MTDH: variants seen among roughly 807,000 people sequenced by gnomAD.
The protein encoded by MTDH is metadherin.
Under a neutral mutation model 72.7 loss-of-function variants are expected in MTDH, and 34 were observed. The observed-to-expected ratio is 0.47, with a 90% CI of 0.36 to 0.62. MTDH has a LOEUF of 0.62. Ranked by LOEUF, MTDH falls within the 20% of genes least tolerant of loss-of-function variation. The probability of loss-of-function intolerance (pLI) is 0.00; values close to 1 mark genes in which losing one functional copy is unlikely to be tolerated. For synonymous variants in MTDH, 266 were observed against 268.9 expected (o/e 0.99, Z 0.10); for missense variants, 677 against 699.4 (o/e 0.97, Z 0.36).
At chr8:97,707,274 C>T (rs1814392235) in intron 8 of MTDH, among the ~76,000 whole-genome samples, 1 of 151,246 alleles carries the variant, frequency 6.6e-6, no homozygotes, top group Non-Finnish European at 1.5e-5. Context: ...ACCTCAGACT[C>T]CTGAGTAGCT....
rs550248417 is a variant in MTDH, at chr8:97,728,866, C to T, written c.*4196C>T. ...ATGACATTATGCAGGGTCAGGGATC[C>T]GGGTTCTTTCTATATTGTTCCTCCC... is the stretch of plus-strand genomic sequence containing the variant. On this transcript the variant is annotated 3_prime_UTR_variant, in exon 12 of 12. Coordinates refer to ENST00000336273, the MANE Select transcript of MTDH (RefSeq NM_178812.4). The T allele has an allele frequency of 4.0e-5, 6 of 150,258 alleles. No homozygotes were observed. Among genetic ancestry groups the T allele is most frequent in the Admixed American group, 2.7e-4 (4 of 15,080 alleles). 9.3% of individuals were successfully genotyped at this position (150,258 alleles called of 1,614,324 possible).
intron 6 of MTDH, among the ~76,000 whole-genome samples, chr8:97,696,552 C>T (rs1167703654): frequency 6.6e-6 from 1 of 152,158 alleles, no homozygotes; most frequent in Non-Finnish European, 1.5e-5. Context: ...AATACACATG[C>T]AAGGCCTTCC....
chr8:97,667,536 T>C (rs1014104040), intron 2 of MTDH, among the ~76,000 whole-genome samples: 1 of 152,202 alleles, frequency 6.6e-6, no homozygotes, highest in Non-Finnish European at 1.5e-5. Context: ...ATATTACTCT[T>C]TTTTTGCTTG....
intron 9 of MTDH, among the ~76,000 whole-genome samples, chr8:97,714,466 C>T (rs1586279595): frequency 6.7e-6 from 1 of 148,432 alleles, no homozygotes; most frequent in East Asian, 2.1e-4. Context: ...TAGCTAGGCA[C>T]GGTGGCATAC....
intron 2 of MTDH, among the ~76,000 whole-genome samples, chr8:97,680,228 A>AGG (rs893059394): frequency 2.0e-5 from 3 of 152,094 alleles, no homozygotes; most frequent in African/African-American, 7.2e-5. Flanking sequence ...GTGCACCACC[A>AGG]TGCCCAGCTA....
At chr8:97,645,299 T>C (rs78001760) in intron 1 of MTDH, among the ~76,000 whole-genome samples, 652 of 152,308 alleles carry the variant, frequency 4.3e-3, no homozygotes, top group Non-Finnish European at 5.7e-3. Flanking sequence ...GGAAGACAGA[T>C]GTCTATCTCA....
chr8:97,648,090 G>A (rs1162740539), intron 1 of MTDH, among the ~76,000 whole-genome samples: 1 of 152,010 alleles, frequency 6.6e-6, no homozygotes, highest in Non-Finnish European at 1.5e-5. Flanking sequence ...GGCGAAATCT[G>A]TATTTACCTC....
intron 2 of MTDH, among the ~76,000 whole-genome samples, chr8:97,669,436 C>T (rs1406850566): frequency 1.3e-5 from 2 of 152,166 alleles, no homozygotes; most frequent in Admixed American, 1.3e-4. Flanking sequence ...GCATGAGCCA[C>T]TGCGCCTGGC....
intron 9 of MTDH, among the ~76,000 whole-genome samples, chr8:97,715,330 G>T (rs981814838): frequency 6.6e-6 from 1 of 151,554 alleles, no homozygotes; most frequent in Non-Finnish European, 1.5e-5. Context: ...ATTTCACCAT[G>T]TTGGCCAGGC....
chr8:97,722,964 T>A lies in MTDH; in HGVS notation c.1607T>A (p.Val536Glu). The A allele has an allele frequency of 6.2e-7, 1 of 1,614,148 alleles. No individual in the cohort carries two copies. The highest frequency in any genetic ancestry group is 2.2e-5 in the East Asian group (1 of 44,878). ...KSDSDKSSSQVPPILQETDKS... is the reference protein window; with the variant it reads ...KSDSDKSSSQEPPILQETDKS... Reference sequence around the variant, plus strand: ...GATTCTGACAAGAGCTCTTCCCAAGTGCCGCCAATACTACAAGAGACAGAT... The same window carrying A: ...GATTCTGACAAGAGCTCTTCCCAAGAGCCGCCAATACTACAAGAGACAGAT... The change falls in exon 11 of 12, where the codon GTG (valine) becomes GAG (glutamate). Residue 536 changes from valine to glutamate, a missense_variant. By Grantham distance (121) the Val-to-Glu change is moderately radical. This residue lies in a region of MTDH where 201 missense variants were observed against 204.5 expected (regional missense o/e 0.98). Transcript: ENST00000336273.
intron 3 of MTDH, among the ~76,000 whole-genome samples, chr8:97,687,095 C>T (rs1813396208): frequency 6.6e-6 from 1 of 151,926 alleles, no homozygotes; most frequent in African/African-American, 2.4e-5. Flanking sequence ...CTAATAAACC[C>T]ATTTATTAGT....
intron 7 of MTDH, among the ~76,000 whole-genome samples, chr8:97,701,149 GGTT>G (rs1367053173): frequency 3.3e-5 from 5 of 152,116 alleles, no homozygotes. Flanking sequence ...TGTTTTCATA[GGTT>G]GTTGTGAGGC....
At chr8:97,674,323 A>G (rs1331233701) in intron 2 of MTDH, among the ~76,000 whole-genome samples, 1 of 152,230 alleles carries the variant, frequency 6.6e-6, no homozygotes, top group Admixed American at 6.5e-5. Context: ...AACCCCACCA[A>G]AAGGGGGGAA....
rs553716541 is a variant in MTDH, at chr8:97,726,564, A to C, written c.*1894A>C. On this transcript the variant is annotated 3_prime_UTR_variant, in exon 12 of 12. Transcript: ENST00000336273. ...TCTACCTCACCATTTCTTTATCTCA[A>C]AATTCTGTTGGCTTTGTCAAACGTT... 6.6e-6 allele frequency: 1 copy of C among 152,152 alleles called. No homozygotes were observed. The highest frequency in any genetic ancestry group is 2.4e-5 in the African/African-American group (1 of 41,426). The allele number at this position is 152,152 out of a possible 1,614,324, so 9.4% of individuals were successfully genotyped here.
chr8:97,645,934 C>G (rs1339283611), intron 1 of MTDH, among the ~76,000 whole-genome samples: 2 of 152,046 alleles, frequency 1.3e-5, no homozygotes, highest in African/African-American at 2.4e-5. Flanking sequence ...GTACGAAGGC[C>G]CTACCATGTG....
chr8:97,676,247 G>A (rs1247612459), intron 2 of MTDH, among the ~76,000 whole-genome samples: 8 of 152,090 alleles, frequency 5.3e-5, no homozygotes, highest in African/African-American at 1.9e-4. Context: ...GCCACAGAAG[G>A]TGTTTTATTT....
chr8:97,728,971 G>A lies in MTDH; in HGVS notation c.*4301G>A, dbSNP rs1012444469. Among the ~76,000 whole-genome samples the A allele has an allele frequency of 2.7e-5, 4 of 150,292 alleles. No individual in the cohort carries two copies. The highest frequency in any genetic ancestry group is 2.7e-4 in the Admixed American group (4 of 15,074). ...CTGTTGCCCAGGCTGGAGTGCAGTG[G>A]CACACTTCTGGCTCACTTCAGCCTG... On this transcript the variant is annotated 3_prime_UTR_variant, in exon 12 of 12. Coordinates refer to ENST00000336273, the MANE Select transcript of MTDH (RefSeq NM_178812.4).
intron 1 of MTDH, 61 bp downstream of exon 1, chr8:97,644,948 C>G (rs1262758061): frequency 2.0e-6 from 3 of 1,468,988 alleles, no homozygotes; most frequent in Non-Finnish European, 2.7e-6. Context: ...GACCCTCGAG[C>G]TTGGGGGAGG....
At chr8:97,682,251 TATATATATATATATATATATATATATATA>T (rs1442448332) in intron 2 of MTDH, among the ~76,000 whole-genome samples, 69 of 5,776 alleles carry the variant, frequency 0.012, 1 homozygote, top group East Asian at 0.017. Flanking sequence ...TATATATATA[TATATATATATATATATATATATATATATA>T]TTTTTTTTTT....
Sources: allele counts gnomAD v4.1 joint callset (sites outside exome capture counted in the v4.1 genomes callset), GRCh38; gene constraint gnomAD v4.1.1; regional missense constraint gnomAD v4.1.1; transcripts MANE v1.5; gene names NCBI Gene and HGNC (gene_info 2026-07-23, HGNC 2026-07-21).